The following KAT6B variants were observed in gnomAD, a reference collection of about 807,000 sequenced individuals.
KAT6B encodes histone acetyltransferase KAT6B.
KAT6B carries 10 observed loss-of-function variants against 187.5 expected under a neutral mutation model. That is an observed-to-expected ratio of 0.05 (90% CI 0.03 to 0.09). The LOEUF is 0.09. Among genes scored for constraint, KAT6B ranks in the 10% least tolerant of loss-of-function variants. The pLI is 1.00. For missense variants in KAT6B, 1,952 were observed against 2,558.9 expected (o/e 0.76, Z 5.12); for synonymous variants, 861 against 926.8 (o/e 0.93, Z 1.29).
Position 74,964,333 on chromosome 10 carries a change from G to A in KAT6B, c.730+4255G>A, listed in dbSNP as rs553128715. Among the ~76,000 whole-genome samples the A allele has an allele frequency of 2.8e-4, 43 of 152,206 alleles. 1 individual carries two copies. In the South Asian group the frequency reaches 8.7e-3, roughly 31 times the overall value. ...TTAAGTGTTTATCAAAATCTAATTG[G>A]TATCTTTTAATCCACACCAAATAAT... On this transcript the variant is annotated intron_variant, in intron 4 of 17. Transcript: ENST00000287239.
At chr10:74,988,887 T>A (rs2133861936) in intron 12 of KAT6B, 132 bp from the exon 13 acceptor site, 1 of 759,992 alleles carries the variant, frequency 1.3e-6, no homozygotes, top group Non-Finnish European at 2.4e-6. Context: ...TATAGTAGGA[T>A]TTTTCTGCTT....
chr10:74,898,997 C>CAAAAAAAAAAA (rs776291985), intron 3 of KAT6B, among the ~76,000 whole-genome samples: 1 of 108,084 alleles, frequency 9.3e-6, no homozygotes, highest in African/African-American at 3.9e-5. Context: ...ACTAAAAATA[C>CAAAAAAAAAAA]AAAAAAAAAA....
chr10:74,950,017 TC>T (rs923606168), intron 3 of KAT6B, among the ~76,000 whole-genome samples: 1 of 152,074 alleles, frequency 6.6e-6, no homozygotes, highest in Non-Finnish European at 1.5e-5. Flanking sequence ...TCCACAGAGC[TC>T]GGGGGGATGA....
chr10:74,950,081 G>A (rs1840215196), intron 3 of KAT6B, among the ~76,000 whole-genome samples: 1 of 152,082 alleles, frequency 6.6e-6, no homozygotes, highest in Non-Finnish European at 1.5e-5. Flanking sequence ...AATGAGCAGG[G>A]GAGGTGATAC....
At chr10:74,853,239 A>C (rs1348567577) in intron 3 of KAT6B, among the ~76,000 whole-genome samples, 1 of 148,020 alleles carries the variant, frequency 6.8e-6, no homozygotes, top group Non-Finnish European at 1.5e-5. Context: ...CTCCCACCTC[A>C]GCCTCCTGAG....
At chr10:74,880,909 C>G (rs1844803577) in intron 3 of KAT6B, among the ~76,000 whole-genome samples, 1 of 150,514 alleles carries the variant, frequency 6.6e-6, no homozygotes, top group African/African-American at 2.5e-5. Context: ...AGCCACTGTT[C>G]CTGGCCTTAT....
In KAT6B at chr10:75,030,469, C is replaced by A; in HGVS notation, c.5645C>A (p.Pro1882His). 2 of 1,613,374 alleles carry A rather than the reference C, an allele frequency of 1.2e-6. No homozygotes were observed. Among genetic ancestry groups the A allele is most frequent in the African/African-American group, 2.7e-5 (2 of 75,022 alleles). The change falls in exon 18 of 18, where the codon CCC becomes CAC. Residue 1882 changes from proline to histidine, a missense_variant. Pro to His is a moderately conservative substitution (Grantham distance 77). Transcript: ENST00000287239. This position sits in a 1 kb window ranked among gnomAD's most constrained non-coding sequence, Gnocchi z 4.8. ...PQAQATMTPPPNLTPPPMNLP... is the reference protein window; with the variant it reads ...PQAQATMTPPHNLTPPPMNLP... ...GCACAAGCTACCATGACCCCACCCC[C>A]CAACCTGACTCCTCCTCCAATGAAT...
At chr10:75,019,915 T>G (rs754727779) in intron 13 of KAT6B, among the ~76,000 whole-genome samples, 2 of 152,222 alleles carry the variant, frequency 1.3e-5, no homozygotes, top group Non-Finnish European at 2.9e-5. Context: ...TGTTTTGTCT[T>G]AATTTGTAGG....
intron 3 of KAT6B, among the ~76,000 whole-genome samples, chr10:74,940,131 CACTT>C (rs1849555934): frequency 6.6e-6 from 1 of 152,044 alleles, no homozygotes; most frequent in South Asian, 2.1e-4. Flanking sequence ...ATGTGAGGGA[CACTT>C]ACTTTCTATT....
chr10:75,024,912 T>C, intron 16 of KAT6B, 46 bp from the exon 17 acceptor site: 1 of 1,582,220 alleles, frequency 6.3e-7, no homozygotes, highest in South Asian at 1.1e-5. Flanking sequence ...CTCAACCATT[T>C]AATTTCTCAT....
intron 3 of KAT6B, among the ~76,000 whole-genome samples, chr10:74,955,387 C>CG (rs891338192): frequency 1.4e-5 from 2 of 140,232 alleles, no homozygotes; most frequent in South Asian, 5.3e-4. Context: ...ATTTTATCCC[C>CG]CCCCCCCCAA....
At chr10:74,915,271 G>A (rs1847590730) in intron 3 of KAT6B, among the ~76,000 whole-genome samples, 1 of 152,138 alleles carries the variant, frequency 6.6e-6, no homozygotes, top group South Asian at 2.1e-4. Flanking sequence ...TCCATAGGCT[G>A]ATAAATGCAT....
intron 3 of KAT6B, among the ~76,000 whole-genome samples, chr10:74,845,001 G>A (rs1279501934): frequency 6.6e-6 from 1 of 152,016 alleles, no homozygotes; most frequent in African/African-American, 2.4e-5. Context: ...AGGATCACTT[G>A]AGCCCAGGAG....
chr10:74,859,702 A>AT (rs903658929), intron 3 of KAT6B, among the ~76,000 whole-genome samples: 31 of 152,156 alleles, frequency 2.0e-4, no homozygotes, highest in Non-Finnish European at 4.1e-4. Flanking sequence ...AAAAAAGATG[A>AT]TTTTTTCATC....
chr10:74,828,267 G>T (rs1008567662), intron 1 of KAT6B, among the ~76,000 whole-genome samples: 1 of 152,132 alleles, frequency 6.6e-6, no homozygotes, highest in Non-Finnish European at 1.5e-5. Flanking sequence ...TAGTGATAAA[G>T]AATTACAGAT....
intron 13 of KAT6B, among the ~76,000 whole-genome samples, chr10:75,012,305 A>G (rs1237800903): frequency 1.3e-5 from 2 of 152,062 alleles, no homozygotes; most frequent in Non-Finnish European, 1.5e-5. Flanking sequence ...ACATTAGCCA[A>G]GCATGGTGGT....
chr10:74,899,529 C>G (rs887952070), intron 3 of KAT6B, among the ~76,000 whole-genome samples: 5 of 152,110 alleles, frequency 3.3e-5, no homozygotes, highest in African/African-American at 1.2e-4. Flanking sequence ...CCCACCTTAG[C>G]CTGTCAAAGT....
At position 74,969,656 on chromosome 10, in the gene KAT6B, A is replaced by G. The variant is rs1342415990; in HGVS notation, c.731-4A>G. 2 of 1,591,582 alleles carry G rather than the reference A, an allele frequency of 1.3e-6. No homozygotes were observed. The highest frequency in any genetic ancestry group is 1.7e-5 in the Admixed American group (1 of 59,982). ...ATCAAGCAATTTGCTTTTTATTCTC[A>G]TAGGACACCCATCCTGTTTGAAATT... On this transcript the variant is annotated splice_region_variant and splice_polypyrimidine_tract_variant and intron_variant, in intron 4 of 17. Coordinates refer to ENST00000287239, the MANE Select transcript of KAT6B (RefSeq NM_012330.4).
intron 3 of KAT6B, 73 bp from the exon 4 acceptor site, chr10:74,959,897 A>G: frequency 1.9e-6 from 2 of 1,036,236 alleles, no homozygotes; most frequent in African/African-American, 3.2e-5. Flanking sequence ...AAAATGTAAA[A>G]AGCTTTTGAT....
Sources: allele counts gnomAD v4.1 joint callset (sites outside exome capture counted in the v4.1 genomes callset), GRCh38; gene constraint gnomAD v4.1.1; non-coding constraint Gnocchi (gnomAD v3.1); transcripts MANE v1.5; gene names NCBI Gene and HGNC (gene_info 2026-07-23, HGNC 2026-07-21).